The following RCCD1 variants were observed in gnomAD, a reference collection of about 807,000 sequenced individuals.
RCCD1 encodes RCC1 domain-containing protein 1.
RCCD1 carries 40 observed loss-of-function variants against 37.6 expected under a neutral mutation model. That is an observed-to-expected ratio of 1.06 (90% CI 0.83 to 1.39). RCCD1 has a LOEUF of 1.39. Ranked by LOEUF, RCCD1 falls within the 40% of genes most tolerant of loss-of-function variation. The probability of loss-of-function intolerance (pLI) is 0.00; values close to 1 mark genes in which losing one functional copy is unlikely to be tolerated. For synonymous variants in RCCD1, 263 were observed against 230.0 expected, an observed-to-expected ratio of 1.14 and a Z score of -1.30; for missense variants, 577 against 517.3, an observed-to-expected ratio of 1.12 and a Z score of -1.12.
intron 2 of RCCD1, 65 bp downstream of exon 2, chr15:90,956,965 C>G (rs946175332): frequency 3.1e-5 from 40 of 1,283,122 alleles, no homozygotes; most frequent in Admixed American, 4.1e-5. Context: ...CCCCGCACCG[C>G]TGTGGCCAGT....
At position 90,961,811 on chromosome 15, in the gene RCCD1, A is replaced by G; in HGVS notation, c.*42A>G. On this transcript the variant is annotated 3_prime_UTR_variant, in exon 8 of 8. Coordinates refer to ENST00000394258, the MANE Select transcript of RCCD1 (RefSeq NM_001017919.2). The stretch of plus-strand genomic sequence containing the variant: ...TATATGCAACACCTGTGAGACCCCC[A>G]TTCAGGTCAAGGAAAACCATTGCCT... 6.3e-7 allele frequency: 1 copy of G among 1,585,684 alleles called. No homozygotes were observed. The highest frequency in any genetic ancestry group is 8.6e-7 in the Non-Finnish European group (1 of 1,162,882).
Sources: gnomAD v4.1 joint callset for allele counts on GRCh38, gnomAD v4.1.1 for gene constraint, MANE v1.5 for transcripts, NCBI Gene and HGNC (gene_info 2026-07-23, HGNC 2026-07-21) for gene names.